Variants in DACH2 observed in about 807,000 individuals in gnomAD.
DACH2 encodes dachshund family transcription factor 2.
Under a neutral mutation model 35.8 loss-of-function variants are expected in DACH2, and 17 were observed. That is an observed-to-expected ratio of 0.48 (90% CI 0.33 to 0.71). DACH2 has a LOEUF of 0.71. DACH2 is among the 30% of genes least tolerant of loss of function. The pLI, the probability that DACH2 is intolerant of heterozygous loss-of-function variation, is 0.02. For synonymous variants in DACH2, 195 were observed against 177.3 expected (o/e 1.10, Z -0.79); for missense variants, 469 against 472.7 (o/e 0.99, Z 0.07).
chrX:86,628,780 G>C (rs1399035688), intron 3 of DACH2, among the ~76,000 whole-genome samples: 1 of 111,616 alleles, frequency 9.0e-6, no homozygotes, highest in Non-Finnish European at 1.9e-5. Context: ...TGATTATCTG[G>C]CATTTATGTG....
intron 1 of DACH2, among the ~76,000 whole-genome samples, chrX:86,303,222 A>G (rs1345209987): frequency 1.9e-5 from 2 of 107,949 alleles, no homozygotes; most frequent in Middle Eastern, 4.6e-3. Flanking sequence ...AGTAGTCCTT[A>G]TGGTCTTGCA....
At chrX:86,185,247 G>A (rs1278180965) in intron 1 of DACH2, among the ~76,000 whole-genome samples, 5 of 111,794 alleles carry the variant, frequency 4.5e-5, no homozygotes, top group East Asian at 2.8e-4. Context: ...ACTTGCATAC[G>A]TCAAATCTTG....
chrX:86,461,987 T>G (rs1473767419), intron 2 of DACH2, among the ~76,000 whole-genome samples: 3 of 111,257 alleles, frequency 2.7e-5, no homozygotes, highest in Non-Finnish European at 5.7e-5. Flanking sequence ...AAGAAGATAA[T>G]TGTTTTGGAA....
At chrX:86,554,971 A>C (rs2039098049) in intron 3 of DACH2, among the ~76,000 whole-genome samples, 1 of 111,933 alleles carries the variant, frequency 8.9e-6, no homozygotes, top group East Asian at 2.8e-4. Context: ...TTGGAAAATG[A>C]AGAAAAACAT....
At position 86,698,301 on chromosome X, in the gene DACH2, G is replaced by T. The variant is rs5923600; in HGVS notation, c.931+3122G>T. 1.8e-5 allele frequency among the ~76,000 whole-genome samples: 2 copies of T among 108,433 alleles called. 1 individual carries two copies. The highest frequency in any genetic ancestry group is 3.8e-5 in the Non-Finnish European group (2 of 52,370). 94.2% of individuals were successfully genotyped at this position (108,433 alleles called of 115,157 possible). ...TCTCCAGGAAAATTTCCCTTTAAAAGTGAAGGAGAAATAAAAACTTTCTCA... is the reference window on the plus strand; with the variant it reads ...TCTCCAGGAAAATTTCCCTTTAAAATTGAAGGAGAAATAAAAACTTTCTCA... On this transcript the variant is annotated intron_variant, in intron 5 of 11. Coordinates refer to ENST00000373125, the MANE Select transcript of DACH2 (RefSeq NM_053281.3).
intron 3 of DACH2, among the ~76,000 whole-genome samples, chrX:86,523,667 T>A (rs774133435): frequency 1.8e-5 from 2 of 110,102 alleles, no homozygotes; most frequent in African/African-American, 6.6e-5. Context: ...CATAGGGGTG[T>A]GGAAAACAGT....
intron 4 of DACH2, among the ~76,000 whole-genome samples, chrX:86,662,825 C>A (rs755605203): frequency 9.0e-6 from 1 of 111,140 alleles, no homozygotes; most frequent in South Asian, 3.7e-4. Context: ...AAATCTTAAA[C>A]CTTACAACAG....
intron 4 of DACH2, among the ~76,000 whole-genome samples, chrX:86,665,099 A>G (rs756387248): frequency 1.8e-5 from 2 of 112,036 alleles, no homozygotes; most frequent in East Asian, 2.8e-4. Flanking sequence ...TTTTGCCTTC[A>G]ATAAACATAA....
At chrX:86,587,309 G>A (rs1161241487) in intron 3 of DACH2, among the ~76,000 whole-genome samples, 1 of 111,459 alleles carries the variant, frequency 9.0e-6, no homozygotes, top group Non-Finnish European at 1.9e-5. Context: ...AAGAAGCTTT[G>A]GCGAAAAGAC....
At chrX:86,446,859 G>T (rs1450335461) in intron 2 of DACH2, among the ~76,000 whole-genome samples, 1 of 93,376 alleles carries the variant, frequency 1.1e-5, no homozygotes, top group African/African-American at 3.9e-5. Flanking sequence ...AGATCCCTGA[G>T]GAATTGCCAC....
intron 1 of DACH2, among the ~76,000 whole-genome samples, chrX:86,217,212 T>G (rs1162583027): frequency 1.0e-4 from 11 of 109,135 alleles, no homozygotes; most frequent in Non-Finnish European, 5.7e-5. Flanking sequence ...AAAAGAAGCA[T>G]AGAAAGGAAC....
intron 1 of DACH2, among the ~76,000 whole-genome samples, chrX:86,374,187 CA>C (rs2035930782): frequency 9.0e-6 from 1 of 110,902 alleles, no homozygotes; most frequent in South Asian, 3.7e-4. Flanking sequence ...AAACTGACTG[CA>C]ATCAAAGATG....
intron 1 of DACH2, among the ~76,000 whole-genome samples, chrX:86,317,545 G>T (rs999784688): frequency 8.9e-6 from 1 of 112,294 alleles, no homozygotes; most frequent in Non-Finnish European, 1.9e-5. Context: ...AGTTTTAAAA[G>T]ATAATTTTTC....
intron 1 of DACH2, among the ~76,000 whole-genome samples, chrX:86,158,549 C>G (rs2030636748): frequency 9.3e-6 from 1 of 107,526 alleles, no homozygotes; most frequent in Non-Finnish European, 1.9e-5. Flanking sequence ...GTGTGTGTGT[C>G]TATCCAGTAC....
intron 4 of DACH2, among the ~76,000 whole-genome samples, chrX:86,661,649 G>C (rs943449285): frequency 2.7e-5 from 3 of 112,034 alleles, no homozygotes; most frequent in Non-Finnish European, 3.8e-5. Flanking sequence ...ATAAACATCT[G>C]TGCGCAAGAT....
At chrX:86,667,305 A>AGAAGGAAGGAAGGAAG (rs746792252) in intron 4 of DACH2, among the ~76,000 whole-genome samples, 464 of 33,921 alleles carry the variant, frequency 0.014, 8 homozygotes, top group African/African-American at 0.033. Context: ...AAGGAAGGAA[A>AGAAGGAAGGAAGGAAG]GAAGGAAGGA....
intron 2 of DACH2, among the ~76,000 whole-genome samples, chrX:86,477,514 G>A (rs1437583027): frequency 9.3e-6 from 1 of 107,118 alleles, no homozygotes; most frequent in Non-Finnish European, 1.9e-5. Context: ...TTATTGGCAG[G>A]GATTATATTT....
chrX:86,484,115 G>A (rs2037984877), intron 2 of DACH2, among the ~76,000 whole-genome samples: 1 of 111,328 alleles, frequency 9.0e-6, no homozygotes, highest in Non-Finnish European at 1.9e-5. Flanking sequence ...TGGCTTTGCT[G>A]AAGCTCAGCA....
intron 7 of DACH2, among the ~76,000 whole-genome samples, chrX:86,755,115 C>G (rs1258640414): frequency 9.0e-6 from 1 of 111,492 alleles, no homozygotes; most frequent in Non-Finnish European, 1.9e-5. Flanking sequence ...TAATAATAAC[C>G]ATTCTAACTG....
Sources: gnomAD v4.1 joint callset for allele counts (sites outside exome capture counted in the v4.1 genomes callset) on GRCh38, gnomAD v4.1.1 for gene constraint, MANE v1.5 for transcripts, NCBI Gene and HGNC (gene_info 2026-07-23, HGNC 2026-07-21) for gene names.